LHFPL2: variants seen among roughly 807,000 people sequenced by gnomAD.
The protein encoded by LHFPL2 is LHFPL tetraspan subfamily member 2 protein.
In LHFPL2, 7 loss-of-function variants were observed where a neutral mutation model predicts 17.5. The observed-to-expected ratio is 0.40, with a 90% CI of 0.23 to 0.75. The LOEUF is 0.75. Ranked by LOEUF, LHFPL2 falls within the 30% of genes least tolerant of loss-of-function variation. The probability of loss-of-function intolerance (pLI) is 0.37; values close to 1 mark genes in which losing one functional copy is unlikely to be tolerated. For synonymous variants in LHFPL2, 134 were observed against 116.2 expected, an observed-to-expected ratio of 1.15 and a Z score of -0.99; for missense variants, 241 against 294.8, an observed-to-expected ratio of 0.82 and a Z score of 1.34.
intron 3 of LHFPL2, among the ~76,000 whole-genome samples, chr5:78,512,797 C>G (rs7733439): frequency 0.11 from 16,349 of 147,274 alleles, 1,785 homozygotes; most frequent in African/African-American, 0.27. Context: ...TGGGGTCTCA[C>G]TGTGTCACCC....
chr5:78,646,436 G>C (rs1580890890), intron 1 of LHFPL2, among the ~76,000 whole-genome samples: 1 of 152,184 alleles, frequency 6.6e-6, no homozygotes, highest in East Asian at 1.9e-4. Flanking sequence ...CCTAAGTCCT[G>C]CACAAAAGCA....
At chr5:78,614,266 A>C (rs1333809552) in intron 2 of LHFPL2, among the ~76,000 whole-genome samples, 2 of 152,244 alleles carry the variant, frequency 1.3e-5, no homozygotes, top group Non-Finnish European at 2.9e-5. Context: ...CTGGCCCCTT[A>C]GCAAGCAAGG....
chr5:78,593,060 T>G (rs1561356295), intron 2 of LHFPL2, among the ~76,000 whole-genome samples: 1 of 152,196 alleles, frequency 6.6e-6, no homozygotes, highest in South Asian at 2.1e-4. Context: ...ATGCCTGGTT[T>G]TGGCAACTCG....
At chr5:78,562,528 G>C (rs191040703) in intron 3 of LHFPL2, among the ~76,000 whole-genome samples, 1 of 152,156 alleles carries the variant, frequency 6.6e-6, no homozygotes, top group Admixed American at 6.5e-5. Flanking sequence ...CCAGCTACTT[G>C]GGAGGCTGAG....
intron 4 of LHFPL2, among the ~76,000 whole-genome samples, chr5:78,495,489 A>C (rs564787580): frequency 6.6e-6 from 1 of 152,208 alleles, no homozygotes; most frequent in Admixed American, 6.5e-5. Context: ...TAGACACCAC[A>C]CTCCCACTTC....
In LHFPL2 at chr5:78,485,908, C is replaced by T. The variant is rs779118674; in HGVS notation, c.*2989G>A. ...TTTTCTTCACATAAGATTTGTGTAG[C>T]ATTAAAATTATGGGTTACTGAATAA... is the stretch of plus-strand genomic sequence containing the variant. On this transcript the variant is annotated 3_prime_UTR_variant, in exon 5 of 5. Coordinates refer to ENST00000380345, the MANE Select transcript of LHFPL2 (RefSeq NM_005779.3). The T allele has an allele frequency of 6.6e-6, 1 of 152,574 alleles. No individual in the cohort carries two copies. Among genetic ancestry groups the T allele is most frequent in the Non-Finnish European group, 1.5e-5 (1 of 68,038 alleles). 9.5% of individuals were successfully genotyped at this position (152,574 alleles called of 1,614,324 possible).
At chr5:78,636,982 C>A (rs1745472073) in intron 1 of LHFPL2, among the ~76,000 whole-genome samples, 1 of 151,894 alleles carries the variant, frequency 6.6e-6, no homozygotes, top group African/African-American at 2.4e-5. Context: ...CAAGGGTGTC[C>A]CTCAGACATG....
intron 2 of LHFPL2, among the ~76,000 whole-genome samples, chr5:78,597,772 A>G (rs1743877595): frequency 1.3e-5 from 2 of 152,216 alleles, no homozygotes; most frequent in African/African-American, 4.8e-5. Flanking sequence ...ATTTAAGTGA[A>G]GAACAACATG....
chr5:78,605,779 C>G (rs1744192019), intron 2 of LHFPL2, among the ~76,000 whole-genome samples: 1 of 152,126 alleles, frequency 6.6e-6, no homozygotes, highest in Non-Finnish European at 1.5e-5. Flanking sequence ...TTAAAATTCC[C>G]CAGAATTTAA....
At chr5:78,576,534 G>A (rs1757142026) in intron 2 of LHFPL2, among the ~76,000 whole-genome samples, 1 of 152,172 alleles carries the variant, frequency 6.6e-6, no homozygotes, top group Non-Finnish European at 1.5e-5. Context: ...GGGCAGTGGA[G>A]GGAGGGAAAC....
intron 4 of LHFPL2, among the ~76,000 whole-genome samples, chr5:78,497,983 G>A (rs945215954): frequency 3.9e-5 from 6 of 152,202 alleles, no homozygotes; most frequent in African/African-American, 1.4e-4. Flanking sequence ...GACAGGCCGC[G>A]GCTGACCTGT....
chr5:78,588,593 T>C (rs1391421914), intron 2 of LHFPL2, among the ~76,000 whole-genome samples: 1 of 152,220 alleles, frequency 6.6e-6, no homozygotes, highest in East Asian at 1.9e-4. Context: ...CTTCAAAGGA[T>C]GAAGCTCTGT....
intron 2 of LHFPL2, among the ~76,000 whole-genome samples, chr5:78,597,126 G>T (rs1743851506): frequency 6.6e-6 from 1 of 152,190 alleles, no homozygotes; most frequent in African/African-American, 2.4e-5. Context: ...ACCACCCTAG[G>T]AGAGTAAGGT....
chr5:78,562,292 C>A (rs1377324854), intron 3 of LHFPL2, among the ~76,000 whole-genome samples: 1 of 152,172 alleles, frequency 6.6e-6, no homozygotes, highest in East Asian at 1.9e-4. Context: ...CAGCCAGGGT[C>A]CCAATCCAGG....
At chr5:78,639,643 AAC>A (rs901210193) in intron 1 of LHFPL2, among the ~76,000 whole-genome samples, 2 of 152,224 alleles carry the variant, frequency 1.3e-5, no homozygotes, top group Admixed American at 6.5e-5. Context: ...TTAAAAAAAA[AAC>A]AAATGTGATT....
At chr5:78,535,202 C>A (rs1253580933) in intron 3 of LHFPL2, among the ~76,000 whole-genome samples, 5 of 152,180 alleles carry the variant, frequency 3.3e-5, no homozygotes, top group Non-Finnish European at 7.4e-5. Context: ...CCAGAGCAGG[C>A]CATTTGCCGA....
chr5:78,563,594 A>T (rs1756785836), intron 3 of LHFPL2, among the ~76,000 whole-genome samples: 1 of 151,786 alleles, frequency 6.6e-6, no homozygotes, highest in South Asian at 2.1e-4. Context: ...TACTCTACTC[A>T]GGAGGCTGAG....
intron 2 of LHFPL2, among the ~76,000 whole-genome samples, chr5:78,577,899 G>A (rs1258544202): frequency 6.6e-6 from 1 of 151,866 alleles, no homozygotes; most frequent in Non-Finnish European, 1.5e-5. Flanking sequence ...CTTGAAACAA[G>A]TCTTCCAGAG....
At chr5:78,636,248 G>A (rs933148840) in intron 1 of LHFPL2, among the ~76,000 whole-genome samples, 1 of 152,198 alleles carries the variant, frequency 6.6e-6, no homozygotes, top group African/African-American at 2.4e-5. Flanking sequence ...TCCTGTTAAC[G>A]TATAAATCAC....
Sources: allele counts gnomAD v4.1 joint callset (sites outside exome capture counted in the v4.1 genomes callset), GRCh38; gene constraint gnomAD v4.1.1; transcripts MANE v1.5; gene names NCBI Gene and HGNC (gene_info 2026-07-23, HGNC 2026-07-21).